The following ESCO2 variants were observed in gnomAD, a reference collection of about 807,000 sequenced individuals.
The protein encoded by ESCO2 is establishment of sister chromatid cohesion N-acetyltransferase 2, also known as N-acetyltransferase ESCO2.
ESCO2 carries 51 observed loss-of-function variants against 61.7 expected under a neutral mutation model. That is an observed-to-expected ratio of 0.83 (90% CI 0.66 to 1.04). The LOEUF (loss-of-function observed/expected upper bound fraction) is 1.04. ESCO2 is among the 50% of genes least tolerant of loss of function. The pLI is 0.00. For missense variants in ESCO2, 692 were observed against 686.2 expected (o/e 1.01, Z -0.09); for synonymous variants, 230 against 238.2 (o/e 0.97, Z 0.32).
downstream of ESCO2, chr8:27,810,224 T>C (rs535195013): frequency 1.2e-4 from 114 of 939,514 alleles, 1 homozygote; most frequent in South Asian, 1.6e-3. Flanking sequence ...TTTTAGAGTC[T>C]AATAACTACT....
At chr8:27,789,173 T>G (rs941652325) in intron 7 of ESCO2, among the ~76,000 whole-genome samples, 195 bp downstream of exon 7, 4 of 152,148 alleles carry the variant, frequency 2.6e-5, no homozygotes, top group African/African-American at 4.8e-5. Flanking sequence ...ATATACAAAA[T>G]TCAGAGACTG....
At chr8:27,819,033 AT>A in the ESCO2 span, among the ~76,000 whole-genome samples, 2 of 152,108 alleles carry the variant, frequency 1.3e-5, no homozygotes, top group Non-Finnish European at 2.9e-5. Context: ...TTTGGGAACT[AT>A]TTCCTGACTC....
chr8:27,780,991 TATAAC>T (rs1804914231), intron 4 of ESCO2, among the ~76,000 whole-genome samples: 1 of 152,102 alleles, frequency 6.6e-6, no homozygotes, highest in Non-Finnish European at 1.5e-5. Context: ...CAATAGAAAA[TATAAC>T]AAAAAGGCAT....
intron 5 of ESCO2, among the ~76,000 whole-genome samples, chr8:27,786,040 C>T (rs28372344): frequency 0.14 from 21,315 of 152,140 alleles, 1,801 homozygotes; most frequent in East Asian, 0.34. Context: ...ATGGCTGTCA[C>T]GCATGCAGAG....
intron 3 of ESCO2, 182 bp downstream of exon 3, chr8:27,777,351 G>A: frequency 1.8e-6 from 1 of 544,460 alleles, no homozygotes; most frequent in South Asian, 2.3e-5. Flanking sequence ...TATGACCCAG[G>A]CTGTAGTGCA....
chr8:27,806,664 G>T (rs2128959920), downstream of ESCO2, among the ~76,000 whole-genome samples: 1 of 151,056 alleles, frequency 6.6e-6, no homozygotes, highest in South Asian at 2.1e-4. Context: ...TTGTTGCCCA[G>T]GCTGGAGTGC....
chr8:27,813,356 A>G (rs1805736216), downstream of ESCO2, among the ~76,000 whole-genome samples: 1 of 152,092 alleles, frequency 6.6e-6, no homozygotes, highest in Admixed American at 6.6e-5. Context: ...AGAAATACCT[A>G]ATGTAAATGA....
In ESCO2 at chr8:27,803,945, T is replaced by A; in HGVS notation, c.*507T>A. ...AATAGAGGCATGGGTCTCACTGTGT[T>A]GCCCAGGCTGGTCTGAAACTTTTGG... is the stretch of plus-strand genomic sequence containing the variant. On this transcript the variant is annotated 3_prime_UTR_variant, in exon 11 of 11. Coordinates refer to ENST00000305188, the MANE Select transcript of ESCO2 (RefSeq NM_001017420.3). 1.0e-6 allele frequency: 1 copy of A among 989,430 alleles called. No individual in the cohort carries two copies. The highest frequency in any genetic ancestry group is 1.2e-6 in the Non-Finnish European group (1 of 832,952). 61.3% of individuals were successfully genotyped at this position (989,430 alleles called of 1,614,324 possible).
chr8:27,802,075 G>A (rs1294276766), intron 10 of ESCO2, among the ~76,000 whole-genome samples: 2 of 125,658 alleles, frequency 1.6e-5, no homozygotes, highest in Non-Finnish European at 3.1e-5. Context: ...TCAGTCTTTT[G>A]ACATGGAAAA....
At position 27,780,164 on chromosome 8, in the gene ESCO2, C is replaced by T. The variant is rs1585393575; in HGVS notation, c.862-10C>T. ...CAGATGTTTGGTTTTTTTTTTAAACCTATTTTCAGGATTCATCAGATGACA... is the reference window on the plus strand; with the variant it reads ...CAGATGTTTGGTTTTTTTTTTAAACTTATTTTCAGGATTCATCAGATGACA... On this transcript the variant is annotated splice_polypyrimidine_tract_variant and intron_variant, in intron 3 of 10. Transcript: ENST00000305188. 1 of 1,549,510 alleles carries T rather than the reference C, an allele frequency of 6.5e-7. No individual in the cohort carries two copies. Among genetic ancestry groups the T allele is most frequent in the Non-Finnish European group, 8.9e-7 (1 of 1,126,522 alleles).
In ESCO2 at chr8:27,803,942, T is replaced by A. The variant is rs1459728740; in HGVS notation, c.*504T>A. The A allele has an allele frequency of 2.0e-6, 2 of 989,362 alleles. No individual in the cohort carries two copies. The highest frequency in any genetic ancestry group is 9.1e-5 in the South Asian group (2 of 21,860). The allele number at this position is 989,362 out of a possible 1,614,324, so 61.3% of individuals were successfully genotyped here. The stretch of plus-strand genomic sequence containing the variant: ...TTTAATAGAGGCATGGGTCTCACTG[T>A]GTTGCCCAGGCTGGTCTGAAACTTT... On this transcript the variant is annotated 3_prime_UTR_variant, in exon 11 of 11. Coordinates refer to ENST00000305188, the MANE Select transcript of ESCO2 (RefSeq NM_001017420.3).
chr8:27,785,888 G>C (rs1449389882), intron 5 of ESCO2, among the ~76,000 whole-genome samples: 1 of 152,168 alleles, frequency 6.6e-6, no homozygotes, highest in East Asian at 1.9e-4. Flanking sequence ...CATTTAGAGA[G>C]TATCACATGC....
At chr8:27,788,341 G>C (rs1200463940) in intron 6 of ESCO2, among the ~76,000 whole-genome samples, 2 of 152,010 alleles carry the variant, frequency 1.3e-5, no homozygotes, top group Admixed American at 1.3e-4. Context: ...AGGTCTTTAA[G>C]GGTTTCATTA....
intron 9 of ESCO2, among the ~76,000 whole-genome samples, chr8:27,797,893 C>T (rs377321021): frequency 6.6e-6 from 1 of 152,056 alleles, no homozygotes; most frequent in African/African-American, 2.4e-5. Context: ...AGGCCTTTTC[C>T]TTCTTCGATC....
At chr8:27,776,271 T>C (rs567566263) in intron 2 of ESCO2, 91 bp from the exon 3 acceptor site, 2 of 1,056,210 alleles carry the variant, frequency 1.9e-6, no homozygotes, top group Admixed American at 4.8e-5. Flanking sequence ...TTGTTTTTAA[T>C]ATGACCTACA....
intron 4 of ESCO2, among the ~76,000 whole-genome samples, chr8:27,781,477 G>C (rs1209661023): frequency 6.6e-6 from 1 of 151,672 alleles, no homozygotes; most frequent in Non-Finnish European, 1.5e-5. Context: ...GAGTAGCAGT[G>C]TATCTCTTAC....
chr8:27,780,879 T>C (rs1260175832), intron 4 of ESCO2, among the ~76,000 whole-genome samples: 1 of 152,180 alleles, frequency 6.6e-6, no homozygotes, highest in Non-Finnish European at 1.5e-5. Context: ...GATTCTGAGA[T>C]ATGATGTTAA....
chr8:27,803,564 A>ACACACG lies in ESCO2; in HGVS notation c.*129_*130insACGCAC. 6.9e-7 allele frequency: 1 copy of ACACACG among 1,456,722 alleles called. No homozygotes were observed. Among genetic ancestry groups the ACACACG allele is most frequent in the Non-Finnish European group, 9.0e-7 (1 of 1,111,198 alleles). 90.2% of individuals were successfully genotyped at this position (1,456,722 alleles called of 1,614,324 possible). A position where few individuals can be genotyped will look rare whatever the true frequency, so the allele number is the denominator to read the frequency against. On this transcript the variant is annotated 3_prime_UTR_variant, in exon 11 of 11. Transcript: ENST00000305188. ...CTCACACTCATACACACACACACAC[A>ACACACG]CACGCACACACACATATCACAGTTT...
chr8:27,776,767 A>G lies in ESCO2; in HGVS notation c.459A>G (p.Arg153=). 1 of 1,614,024 alleles carries G rather than the reference A, an allele frequency of 6.2e-7. No homozygotes were observed. The highest frequency in any genetic ancestry group is 8.5e-7 in the Non-Finnish European group (1 of 1,180,028). ...SLTAKYQPKY[R]HIKPVSRNSR... ...CTGCTAAGTATCAACCAAAGTATAG[A>G]CACATCAAGCCTGTATCAAGGAATT... The change falls in exon 3 of 11, where the codon AGA becomes AGG. Residue 153 remains arginine (R), a synonymous_variant. Transcript: ENST00000305188.
Sources: gnomAD v4.1 joint callset for allele counts (sites outside exome capture counted in the v4.1 genomes callset) on GRCh38, gnomAD v4.1.1 for gene constraint, MANE v1.5 for transcripts, NCBI Gene and HGNC (gene_info 2026-07-23, HGNC 2026-07-21) for gene names.